OTOGL: variants seen among roughly 807,000 people sequenced by gnomAD.
OTOGL encodes otogelin-like protein.
Under a neutral mutation model 318.5 loss-of-function variants are expected in OTOGL, and 285 were observed. The ratio of observed to expected loss-of-function variants is 0.89; its 90% CI spans 0.81 to 0.99. OTOGL has a LOEUF of 0.99. Ranked by LOEUF, OTOGL falls within the 50% of genes least tolerant of loss-of-function variation. The pLI, the probability that OTOGL is intolerant of heterozygous loss-of-function variation, is 0.00. For synonymous variants in OTOGL, 987 were observed against 936.5 expected (o/e 1.05, Z -0.99); for missense variants, 2,899 against 2,845.6 (o/e 1.02, Z -0.43).
chr12:80,203,574 G>A (rs1876605395), intron 1 of OTOGL, among the ~76,000 whole-genome samples: 2 of 152,140 alleles, frequency 1.3e-5, no homozygotes, highest in Non-Finnish European at 2.9e-5. Context: ...AGCTGTGAGT[G>A]GGAGGAGTTT....
chr12:80,252,704 T>TA (rs901293776), intron 13 of OTOGL, among the ~76,000 whole-genome samples: 22 of 152,054 alleles, frequency 1.4e-4, no homozygotes, highest in Non-Finnish European at 2.9e-4. Flanking sequence ...TTTTACAGAT[T>TA]AAAAAAATAG....
Position 80,232,877 on chromosome 12 carries a change from G to A in OTOGL, c.612-15G>A. ...TTATCATCATTCTTAGATAGCTTTT[G>A]TTCTGTTTTTCAAGTTTAACATTGC... On this transcript the variant is annotated splice_polypyrimidine_tract_variant and intron_variant, in intron 8 of 58. Transcript: ENST00000547103. The A allele has an allele frequency of 6.4e-7, 1 of 1,570,844 alleles. No individual in the cohort carries two copies. The highest frequency in any genetic ancestry group is 1.1e-5 in the South Asian group (1 of 90,092).
intron 4 of OTOGL, among the ~76,000 whole-genome samples, chr12:80,217,032 G>A (rs1396907000): frequency 2.0e-4 from 31 of 152,200 alleles, no homozygotes; most frequent in Admixed American, 2.0e-3. Context: ...GGAGCCTGAA[G>A]GTGACACACT....
At chr12:80,129,223 A>G (rs1471203931) in intron 1 of OTOGL, among the ~76,000 whole-genome samples, 3 of 152,204 alleles carry the variant, frequency 2.0e-5, no homozygotes, top group East Asian at 1.9e-4. Context: ...ATTAGTTTTA[A>G]ATATGCTCTT....
In OTOGL at chr12:80,215,049, T is replaced by C. The variant is rs2137324301; in HGVS notation, c.169-2549T>C. 1.3e-5 allele frequency among the ~76,000 whole-genome samples: 2 copies of C among 152,256 alleles called. 1 individual carries two copies. On this transcript the variant is annotated intron_variant, in intron 4 of 58. Coordinates refer to ENST00000547103, the MANE Select transcript of OTOGL (RefSeq NM_001378609.3). ...CTAATTTCCATAAAGGAGATGTGGATTGAGTTAGGTCAAAGGATATGGAGC... is the reference window on the plus strand; with the variant it reads ...CTAATTTCCATAAAGGAGATGTGGACTGAGTTAGGTCAAAGGATATGGAGC...
At chr12:80,103,448 C>G (rs1869265983) in intron 1 of OTOGL, 1 of 606,664 alleles carries the variant, frequency 1.6e-6, no homozygotes, top group Non-Finnish European at 2.9e-6. Flanking sequence ...GTTGTCCCTT[C>G]TCTTCCCATA....
At chr12:80,304,364 C>T (rs115297148) in intron 28 of OTOGL, among the ~76,000 whole-genome samples, 279 of 151,890 alleles carry the variant, frequency 1.8e-3, no homozygotes, top group African/African-American at 6.0e-3. Flanking sequence ...TTTATTTGAA[C>T]ATTTTAAATT....
chr12:80,114,816 T>G (rs1870061847), intron 1 of OTOGL, among the ~76,000 whole-genome samples: 1 of 151,992 alleles, frequency 6.6e-6, no homozygotes, highest in African/African-American at 2.4e-5. Context: ...TTTGTTCCTT[T>G]TCATTTTTTT....
chr12:80,327,178 A>T (rs11114404), intron 35 of OTOGL, among the ~76,000 whole-genome samples: 73,254 of 151,940 alleles, frequency 0.48, 19,618 homozygotes, highest in African/African-American at 0.73. Flanking sequence ...TGAGCCTTAA[A>T]TGGACATAGA....
At chr12:80,119,578 T>C (rs994455692) in intron 1 of OTOGL, among the ~76,000 whole-genome samples, 1 of 152,192 alleles carries the variant, frequency 6.6e-6, no homozygotes, top group African/African-American at 2.4e-5. Context: ...TGCTGTTGTT[T>C]ATAGGAAAGT....
At chr12:80,316,811 T>C (rs1887002786) in intron 32 of OTOGL, among the ~76,000 whole-genome samples, 1 of 152,194 alleles carries the variant, frequency 6.6e-6, no homozygotes. Flanking sequence ...TATTCTTAAT[T>C]TGTTTCATCC....
intron 4 of OTOGL, 150 bp downstream of exon 4, chr12:80,212,147 ATT>A (rs1379636648): frequency 4.1e-6 from 3 of 738,854 alleles, no homozygotes; most frequent in Non-Finnish European, 6.4e-6. Context: ...AGTAACCTCT[ATT>A]GCTTTTCTAC....
chr12:80,155,042 G>A (rs2137178270), intron 1 of OTOGL, among the ~76,000 whole-genome samples: 1 of 152,286 alleles, frequency 6.6e-6, no homozygotes, highest in Middle Eastern at 3.4e-3. Context: ...AAGATGTGGA[G>A]CATTTTTTCA....
chr12:80,203,688 CCT>C (rs1274911200), intron 1 of OTOGL, among the ~76,000 whole-genome samples: 3 of 152,168 alleles, frequency 2.0e-5, no homozygotes, highest in African/African-American at 7.2e-5. Context: ...ATTTTTCCAT[CCT>C]CTGTTTCTTT....
intron 1 of OTOGL, among the ~76,000 whole-genome samples, chr12:80,182,878 C>T (rs1920409): frequency 0.5 from 75,707 of 152,038 alleles, 19,570 homozygotes; most frequent in African/African-American, 0.64. Flanking sequence ...AAGATCACCA[C>T]GGCAGAAATG....
chr12:80,355,438 A>G (rs796359821), intron 46 of OTOGL, among the ~76,000 whole-genome samples: 7 of 151,960 alleles, frequency 4.6e-5, no homozygotes, highest in African/African-American at 1.7e-4. Context: ...TGCCCAGGCT[A>G]GTCTCAAACT....
chr12:80,282,047 A>T (rs1461836658), intron 26 of OTOGL, among the ~76,000 whole-genome samples: 1 of 151,922 alleles, frequency 6.6e-6, no homozygotes, highest in African/African-American at 2.4e-5. Context: ...TATATATCTG[A>T]TAAAATCCTT....
chr12:80,328,866 C>T (rs1164324902), intron 36 of OTOGL, 122 bp downstream of exon 36: 2 of 1,077,308 alleles, frequency 1.9e-6, no homozygotes, highest in Non-Finnish European at 1.3e-6. Context: ...GATTATTCTT[C>T]AATGTCTCTT....
intron 35 of OTOGL, among the ~76,000 whole-genome samples, chr12:80,325,123 A>C (rs1299519944): frequency 2.0e-5 from 3 of 152,114 alleles, no homozygotes; most frequent in African/African-American, 7.2e-5. Context: ...TTTACAATTG[A>C]TTGAACAATT....
Sources: gnomAD v4.1 joint callset for allele counts (sites outside exome capture counted in the v4.1 genomes callset) on GRCh38, gnomAD v4.1.1 for gene constraint, MANE v1.5 for transcripts, NCBI Gene and HGNC (gene_info 2026-07-23, HGNC 2026-07-21) for gene names.